CANX: variants seen among roughly 807,000 people sequenced by gnomAD.
CANX encodes calnexin, also known as epididymis secretory sperm binding protein.
In CANX, 14 loss-of-function variants were observed where a neutral mutation model predicts 75.7. The observed-to-expected ratio is 0.19, with a 90% CI of 0.12 to 0.29. The LOEUF (loss-of-function observed/expected upper bound fraction) is 0.29. CANX is among the 10% of genes least tolerant of loss of function. The pLI is 1.00. For missense variants in CANX, 567 were observed against 713.2 expected (o/e 0.79, Z 2.34); for synonymous variants, 227 against 236.9 (o/e 0.96, Z 0.38).
intron 7 of CANX, chr5:179,715,884 T>G (rs1777915906): frequency 1.6e-6 from 1 of 621,500 alleles, no homozygotes; most frequent in South Asian, 1.6e-5. Flanking sequence ...AACTATCATT[T>G]GCTGTAATTC....
chr5:179,695,663 T>A (rs1309612381), upstream of CANX, among the ~76,000 whole-genome samples: 1 of 147,478 alleles, frequency 6.8e-6, no homozygotes, highest in Non-Finnish European at 1.5e-5. Context: ...TATTTTTATT[T>A]TTTTTGAGAC....
chr5:179,717,005 T>C (rs1458293533), intron 8 of CANX, among the ~76,000 whole-genome samples: 1 of 152,172 alleles, frequency 6.6e-6, no homozygotes. Context: ...TTACATGGCC[T>C]TTTATGTAGG....
chr5:179,720,625 C>T lies in CANX; in HGVS notation c.1182+65C>T, dbSNP rs189443710. ...GTTTGTATTCAGATAGAAGTTTTAT[C>T]TAGAGTAAGGCTGCCAGGTTGGTCA... On this transcript the variant is annotated intron_variant, in intron 10 of 14. Transcript: ENST00000247461. The T allele has an allele frequency of 5.1e-5, 75 of 1,466,192 alleles. 1 individual carries two copies. In the Admixed American group the frequency reaches 7.3e-4, roughly 14 times the overall value. 90.8% of individuals were successfully genotyped at this position (1,466,192 alleles called of 1,614,324 possible). A position where few individuals can be genotyped will look rare whatever the true frequency, so the allele number is the denominator to read the frequency against.
Position 179,731,173 on chromosome 5 carries a change from C to T in CANX, c.*2529C>T, listed in dbSNP as rs1197004637. Among the ~76,000 whole-genome samples the T allele has an allele frequency of 6.6e-6, 1 of 152,094 alleles. No homozygotes were observed. The highest frequency in any genetic ancestry group is 1.5e-5 in the Non-Finnish European group (1 of 68,020). On this transcript the variant is annotated 3_prime_UTR_variant, in exon 15 of 15. Transcript: ENST00000247461. ...AGTTTCTGTTGTATAATAGTGTGGA[C>T]AGCAGCTCAGAAAAGGAGGGAATGC...
At chr5:179,679,958 C>CTTTTTT (rs34916199) in intron 1 of CANX, among the ~76,000 whole-genome samples, 60 of 59,366 alleles carry the variant, frequency 1.0e-3, no homozygotes, top group Non-Finnish European at 1.1e-3. Context: ...TGCGCCTGGC[C>CTTTTTT]TTTTTTTTTT....
At chr5:179,688,426 C>T (rs1776231847) in intron 1 of CANX, among the ~76,000 whole-genome samples, 1 of 145,184 alleles carries the variant, frequency 6.9e-6, no homozygotes, top group South Asian at 2.2e-4. Flanking sequence ...CGCAGTGGCA[C>T]AATCTCGGTT....
rs766725772 is a variant in CANX at position 179,722,994 on chromosome 5, A to G, written c.1373A>G (p.Lys458Arg). ...TGGGCCAATGATGGATGGGGCCTGA[A>G]GAAAGCTGCTGATGGGGCTGCTGAG... ...DDWANDGWGL[K>R]KAADGAAEPG... is the part of the protein sequence containing the mutation. Residue 458 changes from lysine (K) to arginine (R), a missense_variant, in exon 11 of 15, where the codon AAG (lysine) becomes AGG (arginine). Physicochemically the swap from Lys to Arg is conservative, Grantham distance 26 (BLOSUM62 2). Around this residue, in one of 3 missense-constraint regions of CANX, gnomAD observed 167 missense variants for 179.3 expected, o/e 0.93. Coordinates refer to ENST00000247461, the MANE Select transcript of CANX (RefSeq NM_001746.4). 3.1e-6 allele frequency: 5 copies of G among 1,614,022 alleles called. No individual in the cohort carries two copies. The highest frequency in any genetic ancestry group is 1.7e-5 in the Admixed American group (1 of 59,992).
intron 14 of CANX, 74 bp downstream of exon 14, chr5:179,726,833 G>A: frequency 1.7e-6 from 2 of 1,164,788 alleles, no homozygotes; most frequent in East Asian, 2.3e-5. Context: ...ATTTTAATAG[G>A]GTAGTTTACA....
chr5:179,709,976 C>T lies in CANX; in HGVS notation c.632C>T (p.Thr211Met), dbSNP rs755452646. The change falls in exon 7 of 15, where the codon ACG becomes ATG. Residue 211 changes from threonine to methionine, a missense_variant. By Grantham distance (81) the Thr-to-Met change is moderately conservative (BLOSUM62 -1). Transcript: ENST00000247461. ...ATCTTCCGACACAAAAACCCCAAAA[C>T]GGGTATCTATGAAGAAAAACATGCT... Reference protein sequence around the residue: ...HFIFRHKNPKTGIYEEKHAKR... With the variant: ...HFIFRHKNPKMGIYEEKHAKR... The T allele has an allele frequency of 1.3e-5, 21 of 1,612,602 alleles. No homozygotes were observed. The highest frequency in any genetic ancestry group is 2.2e-5 in the East Asian group (1 of 44,860).
intron 8 of CANX, among the ~76,000 whole-genome samples, chr5:179,718,724 C>A (rs986201845): frequency 1.3e-5 from 2 of 152,106 alleles, no homozygotes; most frequent in Non-Finnish European, 2.9e-5. Flanking sequence ...GATGGGGTTT[C>A]TCCATGTTGG....
intron 1 of CANX, chr5:179,679,332 C>G: frequency 7.6e-7 from 1 of 1,318,826 alleles, no homozygotes; most frequent in South Asian, 1.5e-5. Flanking sequence ...GCGAGGCCGG[C>G]GGACATGTCT....
intron 1 of CANX, among the ~76,000 whole-genome samples, chr5:179,690,620 A>G (rs2113048721): frequency 6.7e-6 from 1 of 148,240 alleles, no homozygotes; most frequent in East Asian, 2.0e-4. Context: ...GGCTGGGCCC[A>G]GTGGCTCACG....
Position 179,708,887 on chromosome 5 carries a change from G to A in CANX, c.447-91G>A, listed in dbSNP as rs778605364. 7 of 685,418 alleles carry A rather than the reference G, an allele frequency of 1.0e-5. No homozygotes were observed. The East Asian group carries it at 1.1e-4, about 11-fold the overall frequency. The allele number at this position is 685,418 out of a possible 1,614,324, so 42.5% of individuals were successfully genotyped here. ...GTAAACATTTGACCTATGATAAAAC[G>A]TGACTAAGATGAGGGAGAGAGGAAA... On this transcript the variant is annotated intron_variant, in intron 5 of 14. Coordinates refer to ENST00000247461, the MANE Select transcript of CANX (RefSeq NM_001746.4).
intron 14 of CANX, 92 bp downstream of exon 14, chr5:179,726,851 A>T: frequency 1.1e-6 from 1 of 913,862 alleles, no homozygotes; most frequent in Non-Finnish European, 1.7e-6. Flanking sequence ...ACAGTGGCTT[A>T]TGGCAGTAAA....
chr5:179,712,104 C>A (rs1442147802), intron 7 of CANX, among the ~76,000 whole-genome samples: 3 of 138,964 alleles, frequency 2.2e-5, no homozygotes, highest in Admixed American at 7.3e-5. Flanking sequence ...TCCCCCACTC[C>A]AAAAAAAAAG....
chr5:179,715,698 A>G (rs1777895754), intron 7 of CANX, among the ~76,000 whole-genome samples: 1 of 152,206 alleles, frequency 6.6e-6, no homozygotes, highest in Admixed American at 6.5e-5. Context: ...TACCAGCTCT[A>G]TTAAAAATGA....
At chr5:179,717,577 A>G (rs1288791342) in intron 8 of CANX, among the ~76,000 whole-genome samples, 2 of 152,108 alleles carry the variant, frequency 1.3e-5, no homozygotes, top group Non-Finnish European at 2.9e-5. Context: ...AATAAATTCT[A>G]CTGTTTTGAT....
chr5:179,706,416 T>C (rs976669747), intron 3 of CANX, 85 bp downstream of exon 3: 2 of 654,168 alleles, frequency 3.1e-6, no homozygotes, highest in East Asian at 2.7e-5. Flanking sequence ...TAGCATCTTT[T>C]ATAGTGAAAT....
chr5:179,722,746 C>G, intron 10 of CANX, 58 bp from the exon 11 acceptor site: 2 of 1,212,902 alleles, frequency 1.6e-6, no homozygotes, highest in Non-Finnish European at 2.4e-6. Context: ...GGTAGATTCA[C>G]CATAAACTTT....
Sources: allele counts gnomAD v4.1 joint callset (sites outside exome capture counted in the v4.1 genomes callset), GRCh38; gene constraint gnomAD v4.1.1; regional missense constraint gnomAD v4.1.1; transcripts MANE v1.5; gene names NCBI Gene and HGNC (gene_info 2026-07-23, HGNC 2026-07-21).